The following MYO1A variants were observed in gnomAD, a reference collection of about 807,000 sequenced individuals.
MYO1A encodes myosin IA.
A neutral mutation model predicts 138.5 loss-of-function variants in MYO1A; 127 were observed. That is an observed-to-expected ratio of 0.92 (90% CI 0.79 to 1.06). The LOEUF (loss-of-function observed/expected upper bound fraction) is 1.06, where lower values mean the gene tolerates loss of function less well. Among genes scored for constraint, MYO1A ranks in the 50% least tolerant of loss-of-function variants. MYO1A has a pLI of 0.00. For missense variants in MYO1A, 1,211 were observed against 1,288.8 expected (o/e 0.94, Z 0.92); for synonymous variants, 477 against 497.5 (o/e 0.96, Z 0.55).
At chr12:57,033,538 T>C (rs548491752) in intron 22 of MYO1A, among the ~76,000 whole-genome samples, 5 of 152,236 alleles carry the variant, frequency 3.3e-5, no homozygotes, top group African/African-American at 9.6e-5. Context: ...TAAATTTTTT[T>C]TGTAGAGTCT....
At chr12:57,046,451 C>T in intron 8 of MYO1A, 101 bp downstream of exon 8, 2 of 876,962 alleles carry the variant, frequency 2.3e-6, no homozygotes, top group Non-Finnish European at 3.9e-6. Flanking sequence ...GGGAAGAGGG[C>T]TGTAGGGGCC....
At chr12:57,045,910 G>C (rs1248192752) in intron 8 of MYO1A, among the ~76,000 whole-genome samples, 1 of 152,188 alleles carries the variant, frequency 6.6e-6, no homozygotes, top group East Asian at 1.9e-4. Context: ...TATTACAATG[G>C]ATCTGCTCAC....
At chr12:57,041,725 C>T (rs76025759) in intron 12 of MYO1A, among the ~76,000 whole-genome samples, 1 of 152,174 alleles carries the variant, frequency 6.6e-6, no homozygotes, top group Non-Finnish European at 1.5e-5. Context: ...CAGGATGGTG[C>T]TCCGATGGTA....
In MYO1A at chr12:57,037,577, T is replaced by C. The variant is rs1408750248; in HGVS notation, c.2026A>G (p.Thr676Ala). 59 of 1,614,014 alleles carry C rather than the reference T, an allele frequency of 3.7e-5. No homozygotes were observed. The highest frequency in any genetic ancestry group is 5.0e-5 in the Non-Finnish European group (59 of 1,180,030). The change falls in exon 19 of 28, where the codon ACA becomes GCA. Residue 676 changes from threonine to alanine, a missense_variant. By Grantham distance (58) the Thr-to-Ala change is moderately conservative. Coordinates refer to ENST00000300119, the MANE Select transcript of MYO1A (RefSeq NM_005379.4). ...MSSGELAFGKTKIFIRSPKTL... is the reference protein window; with the variant it reads ...MSSGELAFGKAKIFIRSPKTL... The stretch of plus-strand genomic sequence containing the variant: ...TTGGGGCTTCTAATGAAGATCTTTG[T>C]CTTGCCAAAGGCCAGCTCCCCCGAG...
rs2030739210 is a variant in MYO1A at position 57,039,073 on chromosome 12, T to C, written c.1333-64A>G. On this transcript the variant is annotated intron_variant, in intron 15 of 27. Coordinates refer to ENST00000300119, the MANE Select transcript of MYO1A (RefSeq NM_005379.4). ...GTCCTCCGAGATGTCCACGTTCTCA[T>C]TGCTGCCCCCTTTCTCCACTCTTAT... 1.9e-6 allele frequency: 3 copies of C among 1,578,858 alleles called. No individual in the cohort carries two copies. In the African/African-American group the frequency reaches 4.1e-5, roughly 21 times the overall value.
intron 1 of MYO1A, among the ~76,000 whole-genome samples, chr12:57,049,253 T>C (rs1160968820): frequency 6.6e-6 from 1 of 152,226 alleles, no homozygotes; most frequent in Admixed American, 6.5e-5. Flanking sequence ...GGAGGAAACC[T>C]GGCCCTCCTC....
intron 21 of MYO1A, 107 bp from the exon 22 acceptor site, chr12:57,036,488 G>T: frequency 8.5e-7 from 1 of 1,170,676 alleles, no homozygotes; most frequent in Non-Finnish European, 1.3e-6. Flanking sequence ...AAAGAGCTGA[G>T]ACTGTAGCTG....
Position 57,047,730 on chromosome 12 carries a change from GA to G in MYO1A, c.231-10del. The stretch of plus-strand genomic sequence containing the variant: ...CATTTGCCAATGCGTAGCTTGTGGG[GA>G]GGAAGTGGGCAATGACTATTGTGAA... On this transcript the variant is annotated splice_polypyrimidine_tract_variant and intron_variant, in intron 3 of 27. Coordinates refer to ENST00000300119, the MANE Select transcript of MYO1A (RefSeq NM_005379.4). The G allele has an allele frequency of 6.2e-7, 1 of 1,613,922 alleles. No homozygotes were observed. The highest frequency in any genetic ancestry group is 8.5e-7 in the Non-Finnish European group (1 of 1,179,818).
chr12:57,043,411 G>A (rs2030952909), intron 10 of MYO1A, 53 bp from the exon 11 acceptor site: 3 of 1,539,060 alleles, frequency 1.9e-6, no homozygotes, highest in Non-Finnish European at 2.7e-6. Context: ...TCTCTCAGGG[G>A]AGGGAGTGCA....
Position 57,047,972 on chromosome 12 carries a change from T to C in MYO1A, c.230+17A>G. 1 of 1,606,632 alleles carries C rather than the reference T, an allele frequency of 6.2e-7. No individual in the cohort carries two copies. Among genetic ancestry groups the C allele is most frequent in the Non-Finnish European group, 8.5e-7 (1 of 1,173,262 alleles). ...AAGCTGGGGCCCTGTCAGCCTTCCC[T>C]TGGTCCCCCTACTCACATATGGGGC... On this transcript the variant is annotated intron_variant, in intron 3 of 27. Transcript: ENST00000300119.
At position 57,029,873 on chromosome 12, in the gene MYO1A, CTG is replaced by C. The variant is rs1226936783; in HGVS notation, c.2592-3_2592-2del. ...GTCACCACAGAATGGAATGGGGACA[CTG>C]AGAACACATGGGAGGTGTGCAGCGC... is the stretch of plus-strand genomic sequence containing the variant. On this transcript the variant is annotated splice_acceptor_variant and splice_polypyrimidine_tract_variant and intron_variant, in intron 24 of 27. Transcript: ENST00000300119. LOFTEE classifies it high-confidence loss of function. The C allele has an allele frequency of 2.5e-6, 4 of 1,614,216 alleles. No individual in the cohort carries two copies. Among genetic ancestry groups the C allele is most frequent in the Middle Eastern group, 1.6e-4 (1 of 6,062 alleles).
intron 25 of MYO1A, 21 bp from the exon 26 acceptor site, chr12:57,029,608 G>T (rs746997377): frequency 6.2e-7 from 1 of 1,614,054 alleles, no homozygotes; most frequent in Non-Finnish European, 8.5e-7. Context: ...AACAGGCAAG[G>T]GTGAGGAAAG....
chr12:57,048,135 G>C, intron 2 of MYO1A, 31 bp from the exon 3 acceptor site: 7 of 1,605,788 alleles, frequency 4.4e-6, no homozygotes, highest in Non-Finnish European at 6.0e-6. Context: ...AAGGGAATGA[G>C]CTTGAGGGTG....
intron 14 of MYO1A, among the ~76,000 whole-genome samples, chr12:57,040,441 G>A (rs570146575): frequency 6.6e-6 from 1 of 152,212 alleles, no homozygotes; most frequent in East Asian, 1.9e-4. Context: ...GGAGGCTAGG[G>A]GCAGAAGTAG....
rs1473413518 is a variant in MYO1A, at chr12:57,029,161, C to G, written c.2976G>C (p.Gln992His). 6.2e-7 allele frequency: 1 copy of G among 1,614,202 alleles called. No homozygotes were observed. Among genetic ancestry groups the G allele is most frequent in the East Asian group, 2.2e-5 (1 of 44,888 alleles). ...CAGTCACGGTGACTGTAAGCTGCCT[C>G]TGCGTGGCATCCAGCACAGCCCGGT... Reference protein sequence around the residue: ...KMYRAVLDATQRQLTVTVTEK... With the variant: ...KMYRAVLDATHRQLTVTVTEK... Residue 992 changes from glutamine to histidine, a missense_variant, in exon 27 of 28, where the codon CAG (glutamine) becomes CAC (histidine). Transcript: ENST00000300119.
At chr12:57,029,017 C>T (rs887670967) in intron 27 of MYO1A, 115 bp downstream of exon 27, 9 of 1,599,242 alleles carry the variant, frequency 5.6e-6, no homozygotes, top group Non-Finnish European at 7.7e-6. Flanking sequence ...TGAGAAACAC[C>T]TCCAAGCCCC....
In MYO1A at chr12:57,037,857, A is replaced by G. The variant is rs2030638530; in HGVS notation, c.1961+12T>C. The G allele has an allele frequency of 6.2e-7, 1 of 1,613,586 alleles. No homozygotes were observed. Among genetic ancestry groups the G allele is most frequent in the South Asian group, 1.1e-5 (1 of 91,022 alleles). ...CCCTTTCCTGATGCCCAGTCTCCCC[A>G]TGGGGTCTTACCGGTCTCCCCCATT... On this transcript the variant is annotated intron_variant, in intron 18 of 27. Transcript: ENST00000300119.
intron 16 of MYO1A, 63 bp from the exon 17 acceptor site, chr12:57,038,701 A>T: frequency 1.9e-6 from 3 of 1,608,602 alleles, no homozygotes; most frequent in Non-Finnish European, 2.6e-6. Flanking sequence ...TGGCCCTCCC[A>T]GTCTCATTGT....
At position 57,036,762 on chromosome 12, in the gene MYO1A, T is replaced by C. The variant is rs1461574981; in HGVS notation, c.2274+10A>G. On this transcript the variant is annotated intron_variant, in intron 21 of 27. Coordinates refer to ENST00000300119, the MANE Select transcript of MYO1A (RefSeq NM_005379.4). ...CAATGTGAGGAAACCTCTCTTCCAC[T>C]CTCCATTACCTTCCACCCTCTCACA... is the stretch of plus-strand genomic sequence containing the variant. 2 of 1,614,068 alleles carry C rather than the reference T, an allele frequency of 1.2e-6. No homozygotes were observed. Among genetic ancestry groups the C allele is most frequent in the Admixed American group, 3.3e-5 (2 of 60,020 alleles).
Sources: allele counts gnomAD v4.1 joint callset (sites outside exome capture counted in the v4.1 genomes callset), GRCh38; gene constraint gnomAD v4.1.1; transcripts MANE v1.5; gene names NCBI Gene and HGNC (gene_info 2026-07-23, HGNC 2026-07-21).